The following C12orf54 variants were observed in gnomAD, a reference collection of about 807,000 sequenced individuals.
C12orf54 encodes chromosome 12 open reading frame 54.
Under a neutral mutation model 26.4 loss-of-function variants are expected in C12orf54, and 24 were observed. The ratio of observed to expected loss-of-function variants is 0.91; its 90% CI spans 0.66 to 1.28. The LOEUF (loss-of-function observed/expected upper bound fraction) is 1.28. Ranked by LOEUF, C12orf54 falls within the 50% of genes most tolerant of loss-of-function variation. The pLI is 0.00. For synonymous variants in C12orf54, 54 were observed against 47.0 expected (o/e 1.15, Z -0.61); for missense variants, 154 against 150.9 (o/e 1.02, Z -0.11).
the C12orf54 span, among the ~76,000 whole-genome samples, chr12:48,472,327 A>T: frequency 6.6e-6 from 1 of 152,164 alleles, no homozygotes; most frequent in Non-Finnish European, 1.5e-5. Flanking sequence ...GGAGGCTTTG[A>T]CAACAGTCCG....
chr12:48,457,179 G>A, the C12orf54 span, among the ~76,000 whole-genome samples: 1 of 152,018 alleles, frequency 6.6e-6, no homozygotes, highest in East Asian at 1.9e-4. Flanking sequence ...AGCTGGGGGT[G>A]GTATAGAGTG....
upstream of C12orf54, among the ~76,000 whole-genome samples, chr12:48,481,378 G>A (rs1195462943): frequency 6.6e-6 from 1 of 152,060 alleles, no homozygotes; most frequent in South Asian, 2.1e-4. Flanking sequence ...AAATAAAAAG[G>A]TAGATTATGA....
At chr12:48,428,996 G>A in the C12orf54 span, among the ~76,000 whole-genome samples, 27 of 152,168 alleles carry the variant, frequency 1.8e-4, no homozygotes, top group Non-Finnish European at 3.1e-4. Context: ...TACCAGGGAT[G>A]CAGAGACGGT....
the C12orf54 span, among the ~76,000 whole-genome samples, chr12:48,437,845 G>C: frequency 1.3e-5 from 2 of 152,056 alleles, no homozygotes; most frequent in Non-Finnish European, 2.9e-5. Context: ...ACTGGCACAA[G>C]ACAGGGATGC....
chr12:48,483,184 G>T, intron 1 of C12orf54, 56 bp from the exon 2 acceptor site: 1 of 825,774 alleles, frequency 1.2e-6, no homozygotes, highest in Non-Finnish European at 1.9e-6. Context: ...CTGAATAAGC[G>T]CTTTTCTTCT....
At chr12:48,453,918 A>G in the C12orf54 span, among the ~76,000 whole-genome samples, 3 of 152,036 alleles carry the variant, frequency 2.0e-5, no homozygotes, top group Non-Finnish European at 4.4e-5. Flanking sequence ...ACCAAACTGA[A>G]AAAAGAAGTG....
the C12orf54 span, among the ~76,000 whole-genome samples, chr12:48,426,321 G>C: frequency 6.6e-6 from 1 of 151,976 alleles, no homozygotes; most frequent in South Asian, 2.1e-4. Context: ...AATTACCCCA[G>C]CACCATTTAT....
the C12orf54 span, among the ~76,000 whole-genome samples, chr12:48,436,650 T>C: frequency 6.6e-6 from 1 of 152,186 alleles, no homozygotes; most frequent in Admixed American, 6.5e-5. Context: ...TGCTCCTGAA[T>C]GACTATGGGG....
At chr12:48,484,448 C>T (rs1202945888) in intron 2 of C12orf54, among the ~76,000 whole-genome samples, 1 of 152,170 alleles carries the variant, frequency 6.6e-6, no homozygotes, top group Non-Finnish European at 1.5e-5. Context: ...GCACATAAAC[C>T]ACACCAGAGC....
the C12orf54 span, among the ~76,000 whole-genome samples, chr12:48,420,956 A>G: frequency 1.3e-4 from 20 of 152,176 alleles, no homozygotes; most frequent in African/African-American, 1.7e-4. Flanking sequence ...TTCTTAGTTC[A>G]TAGCACCTCA....
chr12:48,483,119 T>G (rs34801828), intron 1 of C12orf54, 121 bp from the exon 2 acceptor site: 106,075 of 597,370 alleles, frequency 0.18, 10,533 homozygotes, highest in South Asian at 0.3. Context: ...CACATGCACA[T>G]GCACACTCAC....
upstream of C12orf54, among the ~76,000 whole-genome samples, chr12:48,481,428 GTAACCTC>G (rs993896525): frequency 1.3e-5 from 2 of 152,102 alleles, no homozygotes; most frequent in African/African-American, 4.8e-5. Flanking sequence ...GTGGGAGAGA[GTAACCTC>G]TAATCAGAGT....
the C12orf54 span, among the ~76,000 whole-genome samples, chr12:48,439,738 G>A: frequency 2.6e-5 from 4 of 152,018 alleles, no homozygotes; most frequent in African/African-American, 4.8e-5. Flanking sequence ...CACACACCGG[G>A]GCCTGTTGTG....
the C12orf54 span, among the ~76,000 whole-genome samples, chr12:48,467,293 C>A: frequency 6.6e-6 from 1 of 152,162 alleles, no homozygotes; most frequent in Non-Finnish European, 1.5e-5. Flanking sequence ...TCCCTGAAAG[C>A]CTTTAGAAGA....
the C12orf54 span, among the ~76,000 whole-genome samples, chr12:48,462,117 ATTTAT>A: frequency 6.6e-6 from 1 of 151,588 alleles, no homozygotes; most frequent in Non-Finnish European, 1.5e-5. Context: ...TTGAGAAAAG[ATTTAT>A]TTTAATAAAT....
chr12:48,435,162 C>T, the C12orf54 span, among the ~76,000 whole-genome samples: 9 of 151,774 alleles, frequency 5.9e-5, no homozygotes, highest in East Asian at 7.7e-4. Flanking sequence ...AGGGTATCAG[C>T]GATAGAAGAT....
intron 4 of C12orf54, among the ~76,000 whole-genome samples, 173 bp from the exon 5 acceptor site, chr12:48,488,751 G>A (rs1408092565): frequency 6.6e-6 from 1 of 152,196 alleles, no homozygotes; most frequent in Non-Finnish European, 1.5e-5. Context: ...TTTCTGTAGA[G>A]TGGAAGTCAA....
the C12orf54 span, among the ~76,000 whole-genome samples, chr12:48,455,063 T>C: frequency 6.6e-6 from 1 of 152,194 alleles, no homozygotes; most frequent in Admixed American, 6.5e-5. Context: ...ATCCAGGTAG[T>C]GAGCATAGTA....
At chr12:48,441,366 G>A in the C12orf54 span, among the ~76,000 whole-genome samples, 2 of 152,182 alleles carry the variant, frequency 1.3e-5, no homozygotes, top group Non-Finnish European at 2.9e-5. Context: ...GGGAGGCTGA[G>A]GCAGGGGAAT....
Sources: gnomAD v4.1 joint callset for allele counts (sites outside exome capture counted in the v4.1 genomes callset) on GRCh38, gnomAD v4.1.1 for gene constraint, MANE v1.5 for transcripts, NCBI Gene and HGNC (gene_info 2026-07-23, HGNC 2026-07-21) for gene names.